The following CDC73 variants were observed in gnomAD, a reference collection of about 807,000 sequenced individuals.
CDC73 encodes cell division cycle 73, also known as parafibromin.
In CDC73, 21 loss-of-function variants were observed where a neutral mutation model predicts 83.7. The observed-to-expected ratio is 0.25, with a 90% confidence interval of 0.18 to 0.36. The LOEUF (loss-of-function observed/expected upper bound fraction) is 0.36, where lower values mean the gene tolerates loss of function less well. CDC73 is among the 10% of genes least tolerant of loss of function. CDC73 has a pLI of 1.00. For synonymous variants in CDC73, 224 were observed against 212.9 expected, an observed-to-expected ratio of 1.05 and a Z score of -0.45; for missense variants, 342 against 653.3, an observed-to-expected ratio of 0.52 and a Z score of 5.19.
chr1:193,243,936 A>G (rs1385219712), intron 15 of CDC73, among the ~76,000 whole-genome samples: 2 of 152,226 alleles, frequency 1.3e-5, no homozygotes, highest in Non-Finnish European at 1.5e-5. Context: ...CTAGCAAGCA[A>G]TATGAAACAA....
chr1:193,231,337 G>A (rs551069889), intron 13 of CDC73, among the ~76,000 whole-genome samples: 2 of 152,280 alleles, frequency 1.3e-5, no homozygotes, highest in African/African-American at 4.8e-5. Context: ...TCTCTTGGCA[G>A]TAGAATCCCT....
At chr1:193,245,352 A>G (rs929663165) in intron 15 of CDC73, among the ~76,000 whole-genome samples, 2 of 152,076 alleles carry the variant, frequency 1.3e-5, no homozygotes, top group Admixed American at 1.3e-4. Flanking sequence ...TTTAGCTTCT[A>G]CATATGAGAG....
intron 2 of CDC73, among the ~76,000 whole-genome samples, chr1:193,129,348 T>G (rs1675648447): frequency 6.6e-6 from 1 of 151,422 alleles, no homozygotes; most frequent in Non-Finnish European, 1.5e-5. Flanking sequence ...GCCAGGCTGG[T>G]CTTGAACTCA....
rs1266330232 is a variant in CDC73 at position 193,150,398 on chromosome 1, C to G, written c.907+16C>G. On this transcript the variant is annotated intron_variant, in intron 9 of 16. Coordinates refer to ENST00000367435, the MANE Select transcript of CDC73 (RefSeq NM_024529.5). ...GGAAAAGAAGGCAAGTTGCTTAATT[C>G]TTATCTTCCCCTTAGTGTGGTTGTG... The G allele has an allele frequency of 2.0e-6, 3 of 1,527,444 alleles. No individual in the cohort carries two copies. The Admixed American group carries it at 5.0e-5, about 25-fold the overall frequency. 94.6% of individuals were successfully genotyped at this position (1,527,444 alleles called of 1,614,324 possible). A position where few individuals can be genotyped will look rare whatever the true frequency, so the allele number is the denominator to read the frequency against.
intron 6 of CDC73, among the ~76,000 whole-genome samples, chr1:193,140,732 C>G (rs1675892084): frequency 6.6e-6 from 1 of 152,118 alleles, no homozygotes; most frequent in African/African-American, 2.4e-5. Flanking sequence ...CCAGGCAGGA[C>G]AGTACAAGAT....
Position 193,252,414 on chromosome 1 carries a change from A to G in CDC73, c.*1702A>G, listed in dbSNP as rs1053589485. On this transcript the variant is annotated 3_prime_UTR_variant, in exon 17 of 17. Coordinates refer to ENST00000367435, the MANE Select transcript of CDC73 (RefSeq NM_024529.5). Reference sequence around the variant, plus strand: ...TATTTTTATGTAAGATTACTTGTCAAGACTACTACAAGTCAGTATGAACTA... The same window carrying G: ...TATTTTTATGTAAGATTACTTGTCAGGACTACTACAAGTCAGTATGAACTA... The G allele has an allele frequency of 1.7e-5, 4 of 230,008 alleles. No individual in the cohort carries two copies. Among genetic ancestry groups the G allele is most frequent in the African/African-American group, 8.8e-5 (4 of 45,216 alleles). The allele number at this position is 230,008 out of a possible 1,614,324, so 14.2% of individuals were successfully genotyped here.
rs1676576702 is a variant in CDC73 at position 193,174,911 on chromosome 1, T to C, written c.972+22467T>C. Among the ~76,000 whole-genome samples the C allele has an allele frequency of 2.0e-5, 3 of 152,242 alleles. No individual in the cohort carries two copies. The South Asian group carries it at 6.2e-4, about 32-fold the overall frequency. On this transcript the variant is annotated intron_variant, in intron 10 of 16. Coordinates refer to ENST00000367435, the MANE Select transcript of CDC73 (RefSeq NM_024529.5). ...CATTTTCCTTTAAATGAAATGAAAA[T>C]GCTTTAAACGAAAAGAGTGAGACTG...
intron 10 of CDC73, chr1:193,179,703 A>G (rs1487154758): frequency 6.6e-6 from 1 of 152,584 alleles, no homozygotes; most frequent in Non-Finnish European, 1.5e-5. Context: ...GAAATTTAAA[A>G]TAATATCTCA....
In CDC73 at chr1:193,130,316, G is replaced by T. The variant is rs1242715221; in HGVS notation, c.307+73G>T. Reference sequence around the variant, plus strand: ...TTTTTCCCCTATGAAATAATGATTAGAGGGAAGAGAATTTGTATTTCCACC... The same window carrying T: ...TTTTTCCCCTATGAAATAATGATTATAGGGAAGAGAATTTGTATTTCCACC... On this transcript the variant is annotated intron_variant, in intron 3 of 16. Coordinates refer to ENST00000367435, the MANE Select transcript of CDC73 (RefSeq NM_024529.5). 4 of 949,586 alleles carry T rather than the reference G, an allele frequency of 4.2e-6. No individual in the cohort carries two copies. In the East Asian group the frequency reaches 7.2e-5, roughly 17 times the overall value. The allele number at this position is 949,586 out of a possible 1,614,324, so 58.8% of individuals were successfully genotyped here.
rs1450650547 is a variant in CDC73, at chr1:193,252,164, G to C, written c.*1452G>C. On this transcript the variant is annotated 3_prime_UTR_variant, in exon 17 of 17. Coordinates refer to ENST00000367435, the MANE Select transcript of CDC73 (RefSeq NM_024529.5). The stretch of plus-strand genomic sequence containing the variant: ...GATATTTACAAGGCTCTTCAGAAGG[G>C]AACAGTCAGCATTTTAAATTACTAG... 8.7e-6 allele frequency: 2 copies of C among 230,874 alleles called. No homozygotes were observed. Among genetic ancestry groups the C allele is most frequent in the Non-Finnish European group, 1.7e-5 (2 of 116,638 alleles). 14.3% of individuals were successfully genotyped at this position (230,874 alleles called of 1,614,324 possible). A position where few individuals can be genotyped will look rare whatever the true frequency, so the allele number is the denominator to read the frequency against.
chr1:193,165,712 C>T (rs572121806), intron 10 of CDC73, among the ~76,000 whole-genome samples: 1 of 152,344 alleles, frequency 6.6e-6, no homozygotes, highest in Non-Finnish European at 1.5e-5. Context: ...CTCTCTTTCA[C>T]ACATGGATGC....
At chr1:193,218,279 G>A (rs1294405472) in intron 13 of CDC73, among the ~76,000 whole-genome samples, 3 of 152,050 alleles carry the variant, frequency 2.0e-5, no homozygotes. Context: ...CAAACAAATC[G>A]AAAAACATTT....
intron 11 of CDC73, among the ~76,000 whole-genome samples, chr1:193,204,900 A>G (rs1252978952): frequency 6.6e-6 from 1 of 152,216 alleles, no homozygotes; most frequent in Non-Finnish European, 1.5e-5. Context: ...GCACAGAATT[A>G]TAATTTTAAT....
chr1:193,150,444 G>A, intron 9 of CDC73, 62 bp downstream of exon 9: 5 of 1,169,190 alleles, frequency 4.3e-6, no homozygotes, highest in Non-Finnish European at 6.5e-6. Flanking sequence ...GAGGCAGTGT[G>A]GCCTGATGTT....
chr1:193,202,790 T>A (rs1036027056), intron 10 of CDC73, among the ~76,000 whole-genome samples: 59 of 152,118 alleles, frequency 3.9e-4, no homozygotes, highest in African/African-American at 1.3e-3. Context: ...TTTATTTTTT[T>A]AAAAATGCCA....
intron 10 of CDC73, 86 bp downstream of exon 10, chr1:193,152,530 A>G (rs2103133740): frequency 1.1e-6 from 1 of 885,354 alleles, no homozygotes; most frequent in Non-Finnish European, 1.9e-6. Context: ...AGTCTCTCAT[A>G]TTTTTTATTT....
intron 10 of CDC73, among the ~76,000 whole-genome samples, chr1:193,194,345 A>G (rs1457992705): frequency 6.6e-6 from 1 of 152,176 alleles, no homozygotes; most frequent in East Asian, 1.9e-4. Context: ...GATTTTCTCA[A>G]AGTTCCTCAC....
intron 5 of CDC73, among the ~76,000 whole-genome samples, chr1:193,136,752 G>T (rs1199530211): frequency 2.6e-5 from 4 of 152,092 alleles, no homozygotes; most frequent in Admixed American, 2.6e-4. Flanking sequence ...TATGAATTTA[G>T]GGATACCATT....
intron 10 of CDC73, among the ~76,000 whole-genome samples, chr1:193,155,276 A>G (rs982239832): frequency 7.2e-5 from 11 of 152,196 alleles, no homozygotes; most frequent in African/African-American, 2.7e-4. Flanking sequence ...GAATTATTCA[A>G]ACTTATAGCA....
Sources: gnomAD v4.1 joint callset for allele counts (sites outside exome capture counted in the v4.1 genomes callset) on GRCh38, gnomAD v4.1.1 for gene constraint, MANE v1.5 for transcripts, NCBI Gene and HGNC (gene_info 2026-07-23, HGNC 2026-07-21) for gene names.